PDE10A: variants seen among roughly 807,000 people sequenced by gnomAD.
The protein encoded by PDE10A is phosphodiesterase 10A.
PDE10A carries 39 observed loss-of-function variants against 97.7 expected under a neutral mutation model. The ratio of observed to expected loss-of-function variants is 0.40; its 90% CI spans 0.31 to 0.52. PDE10A has a LOEUF of 0.52. Ranked by LOEUF, PDE10A falls within the 20% of genes least tolerant of loss-of-function variation. The pLI is 0.56. For missense variants in PDE10A, 731 were observed against 1,047.8 expected (o/e 0.70, Z 4.17); for synonymous variants, 371 against 376.8 (o/e 0.98, Z 0.18).
intron 1 of PDE10A, among the ~76,000 whole-genome samples, chr6:165,920,832 A>G (rs1300514162): frequency 6.6e-6 from 1 of 152,192 alleles, no homozygotes; most frequent in Non-Finnish European, 1.5e-5. Context: ...ATCTTCTACC[A>G]CTGTATCTCC....
At chr6:165,486,622 C>T (rs1562512606) in intron 2 of PDE10A, among the ~76,000 whole-genome samples, 1 of 152,172 alleles carries the variant, frequency 6.6e-6, no homozygotes, top group African/African-American at 2.4e-5. Context: ...AGGAGATGGA[C>T]GCAGAGCACA....
chr6:165,862,569 A>G (rs572736050), intron 1 of PDE10A, among the ~76,000 whole-genome samples: 1 of 152,334 alleles, frequency 6.6e-6, no homozygotes, highest in Admixed American at 6.5e-5. Flanking sequence ...GAAAACCCAG[A>G]AGAGCAGTAA....
At chr6:165,564,059 A>G in intron 1 of PDE10A, among the ~76,000 whole-genome samples, 1 of 152,208 alleles carries the variant, frequency 6.6e-6, no homozygotes, top group East Asian at 1.9e-4. Context: ...AAAAGAATTA[A>G]GTTAATAAAA....
chr6:165,350,129 G>C (rs1465522164), intron 18 of PDE10A, among the ~76,000 whole-genome samples: 5 of 152,180 alleles, frequency 3.3e-5, no homozygotes, highest in Non-Finnish European at 5.9e-5. Context: ...TCCACCTACA[G>C]CTTGCATCGT....
chr6:165,921,685 C>T (rs1001565601), intron 1 of PDE10A, among the ~76,000 whole-genome samples: 1 of 152,134 alleles, frequency 6.6e-6, no homozygotes, highest in Admixed American at 6.5e-5. Flanking sequence ...TGTGCAATGG[C>T]CTGTGATGAG....
intron 1 of PDE10A, among the ~76,000 whole-genome samples, chr6:165,658,635 T>C (rs1790082726): frequency 6.6e-6 from 1 of 152,226 alleles, no homozygotes; most frequent in Non-Finnish European, 1.5e-5. Flanking sequence ...TATGTTATCT[T>C]TTCTAGAAGA....
intron 1 of PDE10A, among the ~76,000 whole-genome samples, chr6:165,794,578 T>TAC (rs74865232): frequency 6.6e-6 from 1 of 151,622 alleles, no homozygotes; most frequent in African/African-American, 2.4e-5. Context: ...CACACATTCC[T>TAC]ACACACACAT....
rs143758307 is a variant in PDE10A at position 165,570,739 on chromosome 6, C to A, written c.866-27171G>T. On this transcript the variant is annotated intron_variant, in intron 1 of 21. Transcript: ENST00000539869. The stretch of plus-strand genomic sequence containing the variant: ...CTGGTCTTTGAAGTAGAAACTACGT[C>A]TTAATCATCTTATCCTCAGTGCTAG... Among the ~76,000 whole-genome samples, 569 of 152,296 alleles carry A rather than the reference C, an allele frequency of 3.7e-3. 1 individual carries two copies. Among genetic ancestry groups the A allele is most frequent in the Middle Eastern group, 6.8e-3 (2 of 294 alleles).
At chr6:165,589,421 T>TA (rs1265610010) in intron 1 of PDE10A, among the ~76,000 whole-genome samples, 1 of 152,214 alleles carries the variant, frequency 6.6e-6, no homozygotes, top group African/African-American at 2.4e-5. Flanking sequence ...GTTAAAACTT[T>TA]AAAAAATGTT....
intron 2 of PDE10A, among the ~76,000 whole-genome samples, chr6:165,525,244 G>T (rs564744664): frequency 6.6e-6 from 1 of 152,228 alleles, no homozygotes; most frequent in South Asian, 2.1e-4. Context: ...CATGGGAATG[G>T]ATATTAAGGG....
intron 1 of PDE10A, among the ~76,000 whole-genome samples, chr6:165,890,296 CACCGCGGAGG>C: frequency 6.6e-6 from 1 of 152,124 alleles, no homozygotes; most frequent in Non-Finnish European, 1.5e-5. Flanking sequence ...GGAAAGACCA[CACCGCGGAGG>C]AAGACAGGAA....
chr6:165,729,467 T>C (rs1409326592), intron 1 of PDE10A, among the ~76,000 whole-genome samples: 1 of 152,086 alleles, frequency 6.6e-6, no homozygotes, highest in Non-Finnish European at 1.5e-5. Context: ...AGGACAGCAG[T>C]GAAATAATAA....
chr6:165,339,369 T>A lies in PDE10A; in HGVS notation c.2896-11A>T, dbSNP rs202059242. ...CTTCATTTCATCACCCTAAGATGAA[T>A]GGGGAGAAAATCATGCTTTCTCAAA... is the stretch of plus-strand genomic sequence containing the variant. On this transcript the variant is annotated splice_polypyrimidine_tract_variant and intron_variant, in intron 19 of 21. Transcript: ENST00000539869. 6.8e-5 allele frequency: 102 copies of A among 1,491,028 alleles called. No homozygotes were observed. In the Admixed American group the frequency reaches 1.6e-3, roughly 24 times the overall value. The allele number at this position is 1,491,028 out of a possible 1,614,324, so 92.4% of individuals were successfully genotyped here. A position where few individuals can be genotyped will look rare whatever the true frequency, so the allele number is the denominator to read the frequency against.
At position 165,955,548 on chromosome 6, in the gene PDE10A, G is replaced by A. The variant is rs146529975; in HGVS notation, c.-615+31981C>T. 4.8e-3 allele frequency among the ~76,000 whole-genome samples: 726 copies of A among 152,128 alleles called. 8 individuals carry two copies. The highest frequency in any genetic ancestry group is 0.017 in the African/African-American group (686 of 41,498). Reference sequence around the variant, plus strand: ...TACCATTCTGCTGTTCCCATTACCCGTAATCTTCTTCTTACAAAGCCCACC... The same window carrying A: ...TACCATTCTGCTGTTCCCATTACCCATAATCTTCTTCTTACAAAGCCCACC... On this transcript the variant is annotated intron_variant, in intron 1 of 19. Coordinates refer to the PDE10A transcript ENST00000366882.
At chr6:165,706,045 C>A (rs553647998) in intron 1 of PDE10A, among the ~76,000 whole-genome samples, 1 of 152,164 alleles carries the variant, frequency 6.6e-6, no homozygotes, top group African/African-American at 2.4e-5. Flanking sequence ...TAATGCATAG[C>A]TCTCACAGCA....
intron 1 of PDE10A, among the ~76,000 whole-genome samples, chr6:165,752,667 G>A (rs944489703): frequency 5.3e-5 from 8 of 152,090 alleles, no homozygotes; most frequent in South Asian, 2.1e-4. Context: ...AACATTCCAC[G>A]TGAGGTATTC....
At chr6:165,726,881 T>A (rs183793179) in intron 1 of PDE10A, among the ~76,000 whole-genome samples, 1 of 152,332 alleles carries the variant, frequency 6.6e-6, no homozygotes, top group East Asian at 1.9e-4. Context: ...ACTTCACTCG[T>A]GACCAAACTA....
rs10455805 is a variant in PDE10A, at chr6:165,710,344, C to G, written c.-614-166776G>C. On this transcript the variant is annotated intron_variant, in intron 1 of 19. Transcript: ENST00000366882. ...AAAACATATTTGTAGAAGAATGAAC[C>G]CACTTCACCCCTTGCGTAGCGCTCT... Among the ~76,000 whole-genome samples, 1,233 of 152,286 alleles carry G rather than the reference C, an allele frequency of 8.1e-3. 7 individuals are homozygous for G. Among genetic ancestry groups the G allele is most frequent in the Non-Finnish European group, 0.013 (890 of 68,030 alleles).
intron 3 of PDE10A, among the ~76,000 whole-genome samples, chr6:165,474,771 A>T (rs1271167622): frequency 2.0e-5 from 3 of 152,196 alleles, no homozygotes; most frequent in Admixed American, 1.3e-4. Context: ...TACATCTAAC[A>T]TCCTAAATTT....
Sources: allele counts gnomAD v4.1 joint callset (sites outside exome capture counted in the v4.1 genomes callset), GRCh38; gene constraint gnomAD v4.1.1; transcripts MANE v1.5; gene names NCBI Gene and HGNC (gene_info 2026-07-23, HGNC 2026-07-21).